The following PLCH1 variants were observed in gnomAD, a reference collection of about 807,000 sequenced individuals.
PLCH1 encodes 1-phosphatidylinositol 4,5-bisphosphate phosphodiesterase eta-1.
PLCH1 carries 60 observed loss-of-function variants against 126.7 expected under a neutral mutation model. The ratio of observed to expected loss-of-function variants is 0.47; its 90% CI spans 0.38 to 0.59. The LOEUF (loss-of-function observed/expected upper bound fraction) is 0.59, where lower values mean the gene tolerates loss of function less well. Ranked by LOEUF, PLCH1 falls within the 20% of genes least tolerant of loss-of-function variation. The probability of loss-of-function intolerance (pLI) is 0.00; values close to 1 mark genes in which losing one functional copy is unlikely to be tolerated. For synonymous variants in PLCH1, 719 were observed against 734.9 expected (o/e 0.98, Z 0.35); for missense variants, 1,723 against 2,040.0 (o/e 0.84, Z 2.99).
chr3:155,688,942 C>T lies in PLCH1; in HGVS notation c.79+15204G>A, dbSNP rs28807999. Among the ~76,000 whole-genome samples, 829 of 152,302 alleles carry T rather than the reference C, an allele frequency of 5.4e-3. 4 individuals are homozygous for T. The highest frequency in any genetic ancestry group is 0.017 in the Middle Eastern group (5 of 294). ...TCAATCCCTGGCTCCCAGACAGCAT[C>T]GCTGGACATGCCTGGGGCCGGGGGG... On this transcript the variant is annotated intron_variant, in intron 2 of 22. Coordinates refer to ENST00000460012, the MANE Select transcript of PLCH1 (RefSeq NM_014996.4).
At chr3:155,465,201 G>T (rs534584749) in intron 21 of PLCH1, among the ~76,000 whole-genome samples, 1 of 152,004 alleles carries the variant, frequency 6.6e-6, no homozygotes, top group African/African-American at 2.4e-5. Flanking sequence ...TTTATCTTAT[G>T]ACTAGATCTC....
chr3:155,486,065 G>T, intron 21 of PLCH1: 1 of 837,472 alleles, frequency 1.2e-6, no homozygotes, highest in South Asian at 1.7e-5. Flanking sequence ...CAGGAAGATG[G>T]AGTGATATGA....
chr3:155,476,185 T>C (rs1713538397), downstream of PLCH1, among the ~76,000 whole-genome samples: 2 of 152,036 alleles, frequency 1.3e-5, no homozygotes, highest in Admixed American at 1.3e-4. Context: ...ATCATATCAA[T>C]AGAATAAAGA....
At chr3:155,488,128 C>A in intron 20 of PLCH1, 21 bp from the exon 21 acceptor site, 2 of 1,535,208 alleles carry the variant, frequency 1.3e-6, no homozygotes, top group South Asian at 2.2e-5. Context: ...GAAAGAGAGT[C>A]GTTTCTTTTT....
chr3:155,573,630 T>A (rs1172093061), intron 6 of PLCH1, among the ~76,000 whole-genome samples: 1 of 152,168 alleles, frequency 6.6e-6, no homozygotes, highest in Non-Finnish European at 1.5e-5. Context: ...AGTCCCACAG[T>A]TCCAACAGGG....
intron 10 of PLCH1, among the ~76,000 whole-genome samples, chr3:155,528,759 G>A (rs961944156): frequency 1.3e-5 from 2 of 152,224 alleles, no homozygotes; most frequent in Non-Finnish European, 2.9e-5. Flanking sequence ...TGAGCAGGTG[G>A]TGCTGAGCAG....
intron 21 of PLCH1, among the ~76,000 whole-genome samples, chr3:155,471,874 A>T (rs1713265529): frequency 6.6e-6 from 1 of 152,170 alleles, no homozygotes; most frequent in Admixed American, 6.5e-5. Context: ...GTTCTTTGAA[A>T]CCAACGAGAA....
Position 155,736,654 on chromosome 3 carries a change from C to T in PLCH1, c.-41+8186G>A, listed in dbSNP as rs756045389. Among the ~76,000 whole-genome samples the T allele has an allele frequency of 4.9e-4, 74 of 152,256 alleles. 1 individual carries two copies. The highest frequency in any genetic ancestry group is 7.5e-4 in the Non-Finnish European group (51 of 68,014). ...AAGAAAACTATTAAAAATTGCAAAACCTCTCCCGCCCTGTTATCGAAATCC... is the reference window on the plus strand; with the variant it reads ...AAGAAAACTATTAAAAATTGCAAAATCTCTCCCGCCCTGTTATCGAAATCC... On this transcript the variant is annotated intron_variant, in intron 1 of 22. Transcript: ENST00000460012.
chr3:155,577,586 T>A (rs193212415), intron 6 of PLCH1, among the ~76,000 whole-genome samples: 2 of 152,358 alleles, frequency 1.3e-5, no homozygotes, highest in East Asian at 1.9e-4. Flanking sequence ...TCACTTTTTT[T>A]ATAATTTTAT....
At chr3:155,688,518 A>G (rs1297912077) in intron 2 of PLCH1, among the ~76,000 whole-genome samples, 2 of 152,208 alleles carry the variant, frequency 1.3e-5, no homozygotes, top group African/African-American at 4.8e-5. Context: ...CTGCACACAG[A>G]AAAGCACCAT....
intron 2 of PLCH1, among the ~76,000 whole-genome samples, chr3:155,696,261 A>G (rs1577333678): frequency 6.6e-6 from 1 of 152,204 alleles, no homozygotes; most frequent in East Asian, 1.9e-4. Flanking sequence ...AAAACATGTC[A>G]CAGATCTCTA....
intron 2 of PLCH1, among the ~76,000 whole-genome samples, chr3:155,618,232 A>G (rs2108759590): frequency 6.6e-6 from 1 of 152,246 alleles, no homozygotes; most frequent in Non-Finnish European, 1.5e-5. Context: ...GGTTTTTTTT[A>G]ATATGTATTA....
chr3:155,543,083 C>T (rs1315853645), intron 10 of PLCH1, among the ~76,000 whole-genome samples: 3 of 152,162 alleles, frequency 2.0e-5, no homozygotes, highest in Admixed American at 2.0e-4. Context: ...GATGATCAAA[C>T]TACTCCAAGC....
intron 2 of PLCH1, among the ~76,000 whole-genome samples, chr3:155,648,044 T>C (rs1459306832): frequency 2.6e-5 from 4 of 152,200 alleles, no homozygotes; most frequent in African/African-American, 7.2e-5. Context: ...AGTTTTCCAA[T>C]TGAAAACTCA....
At position 155,583,411 on chromosome 3, in the gene PLCH1, G is replaced by C. The variant is rs1730957128; in HGVS notation, c.771+61C>G. 5 of 1,353,442 alleles carry C rather than the reference G, an allele frequency of 3.7e-6. No individual in the cohort carries two copies. The South Asian group carries it at 5.4e-5, about 15-fold the overall frequency. 83.8% of individuals were successfully genotyped at this position (1,353,442 alleles called of 1,614,324 possible). A position where few individuals can be genotyped will look rare whatever the true frequency, so the allele number is the denominator to read the frequency against. On this transcript the variant is annotated intron_variant, in intron 6 of 22. Transcript: ENST00000460012. ...AGTATACCTATATTTAACCCCAAAAGAAAGACATATCTTTCATGAGTACTT... is the reference window on the plus strand; with the variant it reads ...AGTATACCTATATTTAACCCCAAAACAAAGACATATCTTTCATGAGTACTT...
intron 2 of PLCH1, among the ~76,000 whole-genome samples, chr3:155,659,452 G>C (rs1468158918): frequency 6.6e-6 from 1 of 150,938 alleles, no homozygotes; most frequent in African/African-American, 2.4e-5. Context: ...AGCCTCCAGA[G>C]CAGCTCAGAG....
intron 2 of PLCH1, among the ~76,000 whole-genome samples, chr3:155,625,622 A>G (rs546228544): frequency 1.3e-5 from 2 of 152,372 alleles, no homozygotes; most frequent in East Asian, 3.9e-4. Context: ...AAGCATGAAA[A>G]AAAGCTCATC....
At chr3:155,592,618 C>G (rs1314996650) in intron 4 of PLCH1, among the ~76,000 whole-genome samples, 2 of 152,182 alleles carry the variant, frequency 1.3e-5, no homozygotes, top group Non-Finnish European at 2.9e-5. Context: ...CAAGACGAAG[C>G]CAACACGGTG....
intron 8 of PLCH1, among the ~76,000 whole-genome samples, chr3:155,555,503 T>C (rs896571613): frequency 3.3e-5 from 5 of 152,214 alleles, no homozygotes; most frequent in African/African-American, 9.6e-5. Context: ...AACACCTATT[T>C]TGAACTTGAC....
Sources: gnomAD v4.1 joint callset for allele counts (sites outside exome capture counted in the v4.1 genomes callset) on GRCh38, gnomAD v4.1.1 for gene constraint, MANE v1.5 for transcripts, NCBI Gene and HGNC (gene_info 2026-07-23, HGNC 2026-07-21) for gene names.